Variants in RASAL3 observed in about 807,000 individuals in gnomAD.
RASAL3 encodes RAS protein activator like-3.
Under a neutral mutation model 105.5 loss-of-function variants are expected in RASAL3, and 74 were observed. That is an observed-to-expected ratio of 0.70 (90% CI 0.58 to 0.85). The LOEUF is 0.85. Among genes scored for constraint, RASAL3 ranks in the 40% least tolerant of loss-of-function variants. The pLI is 0.00. For missense variants in RASAL3, 1,352 were observed against 1,392.0 expected (o/e 0.97, Z 0.46); for synonymous variants, 579 against 591.6 (o/e 0.98, Z 0.31).
chr19:15,454,818 C>A lies in RASAL3; in HGVS notation c.1797G>T (p.Leu599=). ...EACKERGSEV[L]GPRLVCASLF... ...GGGAGGCGCACACCAGTCGGGGGCC[C>A]AGCACCTCAGAGCCACGTTCTTTAC... is the stretch of plus-strand genomic sequence containing the variant. The change falls in exon 12 of 18, where the codon CTG becomes CTT. Residue 599 remains leucine (L), a synonymous_variant. Coordinates refer to ENST00000343625, the MANE Select transcript of RASAL3 (RefSeq NM_022904.3). 1 of 1,590,208 alleles carries A rather than the reference C, an allele frequency of 6.3e-7. No homozygotes were observed. The highest frequency in any genetic ancestry group is 1.3e-5 in the African/African-American group (1 of 74,562).
intron 2 of RASAL3, among the ~76,000 whole-genome samples, chr19:15,462,597 T>C (rs897877877): frequency 5.9e-5 from 9 of 152,290 alleles, no homozygotes; most frequent in Middle Eastern, 6.8e-3. Flanking sequence ...GTCTGTTCCC[T>C]TGTTTTTACC....
At position 15,453,497 on chromosome 19, in the gene RASAL3, G is replaced by A; in HGVS notation, c.2280C>T (p.Ser760=). The A allele has an allele frequency of 6.6e-7, 1 of 1,523,222 alleles. No homozygotes were observed. The highest frequency in any genetic ancestry group is 8.7e-7 in the Non-Finnish European group (1 of 1,144,608). 94.4% of individuals were successfully genotyped at this position (1,523,222 alleles called of 1,614,324 possible). ...LPLPPAQVHS[S]LSAGEKPGFL... ...AGCCGGGCTTCTCCCCTGCGGAGAG[G>A]CTAGGGGTGGGATGGAGGATCTTAG... is the stretch of plus-strand genomic sequence containing the variant. Residue 760 remains serine, a splice_region_variant and synonymous_variant, in exon 15 of 18, where the codon AGC becomes AGT. Coordinates refer to ENST00000343625, the MANE Select transcript of RASAL3 (RefSeq NM_022904.3). The surrounding 1 kb of genome is among the most constrained non-coding windows in gnomAD (Gnocchi z 4.2).
rs1970593925 is a variant in RASAL3 at position 15,464,050 on chromosome 19, C to T, written c.309G>A (p.Glu103=). The change falls in exon 2 of 18, where the codon GAG becomes GAA. Residue 103 remains glutamate, a synonymous_variant. Transcript: ENST00000343625. ...HKNPPPEPDP[E]PEQEAPELEP... ...ATGTACCTGGGGCCTCCTGCTCCGG[C>T]TCCGGGTCTGGCTCCGGCGGTGGGT... is the stretch of plus-strand genomic sequence containing the variant. The T allele has an allele frequency of 3.2e-6, 5 of 1,573,238 alleles. No individual in the cohort carries two copies. Among genetic ancestry groups the T allele is most frequent in the Non-Finnish European group, 4.3e-6 (5 of 1,157,274 alleles).
Position 15,461,514 on chromosome 19 carries a change from G to A in RASAL3, c.422C>T (p.Thr141Ile), listed in dbSNP as rs374597735. 1 of 1,544,928 alleles carries A rather than the reference G, an allele frequency of 6.5e-7. No homozygotes were observed. The highest frequency in any genetic ancestry group is 1.4e-5 in the African/African-American group (1 of 72,428). Residue 141 changes from threonine to isoleucine, a missense_variant, in exon 3 of 18, where the codon ACC becomes ATC. Physicochemically the swap from Thr to Ile is moderately conservative, Grantham distance 89. Coordinates refer to ENST00000343625, the MANE Select transcript of RASAL3 (RefSeq NM_022904.3). ...NVPVWDIGGF[T>I]LLDGKLVLLG... is the part of the protein sequence containing the mutation. Reference sequence around the variant, plus strand: ...CAGCACCAGCTTCCCATCAAGCAGGGTGAAGCCCCCAATGTCCCAGACAGG... The same window carrying A: ...CAGCACCAGCTTCCCATCAAGCAGGATGAAGCCCCCAATGTCCCAGACAGG...
In RASAL3 at chr19:15,458,400, G is replaced by A. The variant is rs953731931; in HGVS notation, c.816C>T (p.Cys272=). The change falls in exon 8 of 18, where the codon TGC becomes TGT. Residue 272 remains cysteine, a synonymous_variant. Transcript: ENST00000343625. ...TCTCAGCGGCCGAGCGACAAGAGAA[G>A]CAGCGGCTTCCACCCGTCCAGGTTA... is the stretch of plus-strand genomic sequence containing the variant. ...FQVTWTGGSR[C]FSCRSAAERD... 6.2e-7 allele frequency: 1 copy of A among 1,613,954 alleles called. No individual in the cohort carries two copies. Among genetic ancestry groups the A allele is most frequent in the African/African-American group, 1.3e-5 (1 of 75,064 alleles).
Position 15,456,658 on chromosome 19 carries a change from A to G in RASAL3, c.1432-12T>C. On this transcript the variant is annotated splice_polypyrimidine_tract_variant and intron_variant, in intron 9 of 17. Transcript: ENST00000343625. This position sits in a 1 kb window ranked among gnomAD's most constrained non-coding sequence, Gnocchi z 4.4. Reference sequence around the variant, plus strand: ...TCAGTCACCAGCGCCTAGGAAGGGCAGGAGGTCAGGTTGCACCAGATGCAG... The same window carrying G: ...TCAGTCACCAGCGCCTAGGAAGGGCGGGAGGTCAGGTTGCACCAGATGCAG... The G allele has an allele frequency of 6.2e-7, 1 of 1,609,348 alleles. No individual in the cohort carries two copies.
chr19:15,452,462 G>A (rs1452551131), intron 16 of RASAL3, 196 bp downstream of exon 16: 1 of 609,750 alleles, frequency 1.6e-6, no homozygotes, highest in Non-Finnish European at 2.9e-6. Flanking sequence ...CAGGGTCCTA[G>A]GCCGACCTTC....
At chr19:15,452,147 A>G (rs1471908753) in intron 16 of RASAL3, 39 bp from the exon 17 acceptor site, 2 of 1,607,950 alleles carry the variant, frequency 1.2e-6, no homozygotes, top group Non-Finnish European at 1.7e-6. Context: ...GGCAGAGGCT[A>G]AGGAAGTCCC....
In RASAL3 at chr19:15,453,204, G is replaced by T; in HGVS notation, c.2573C>A (p.Ala858Asp). ...PRARPWTRDS[A>D]SLPRKPSVPW... ...TACCGACGGCTTCCGAGGCAGCGAG[G>T]CGGAGTCCCGGGTCCAAGGCCGGGC... Residue 858 changes from alanine to aspartate, a missense_variant, in exon 15 of 18, where the codon GCC becomes GAC. Coordinates refer to ENST00000343625, the MANE Select transcript of RASAL3 (RefSeq NM_022904.3). This position sits in a 1 kb window ranked among gnomAD's most constrained non-coding sequence, Gnocchi z 4.2. 2 of 1,610,388 alleles carry T rather than the reference G, an allele frequency of 1.2e-6. No homozygotes were observed. The highest frequency in any genetic ancestry group is 1.7e-6 in the Non-Finnish European group (2 of 1,178,680).
At chr19:15,452,580 G>GGGGC in intron 16 of RASAL3, 78 bp downstream of exon 16, 1 of 1,184,312 alleles carries the variant, frequency 8.4e-7, no homozygotes, top group Non-Finnish European at 1.1e-6. Context: ...TGGTTTGGGG[G>GGGGC]GGGGGGGGAG....
Position 15,452,532 on chromosome 19 carries a change from T to C in RASAL3, c.2828+126A>G, listed in dbSNP as rs532087643. ...AGAGGCAGGGCCTGGACAGACTTAT[T>C]GGGGCGGGGCCAGGGTGGGGCTTGG... On this transcript the variant is annotated intron_variant, in intron 16 of 17. Transcript: ENST00000343625. 17 of 734,096 alleles carry C rather than the reference T, an allele frequency of 2.3e-5. No homozygotes were observed. The African/African-American group carries it at 3.6e-4, about 16-fold the overall frequency. The allele number at this position is 734,096 out of a possible 1,614,324, so 45.5% of individuals were successfully genotyped here.
intron 8 of RASAL3, chr19:15,458,049 A>G: frequency 1.6e-6 from 1 of 643,476 alleles, no homozygotes; most frequent in Non-Finnish European, 2.7e-6. Flanking sequence ...TGGGGGCTCC[A>G]GGGCATACAA....
In RASAL3 at chr19:15,461,057, T is replaced by TA. The variant is rs749718211; in HGVS notation, c.606+2dup. ...TACCTCCCACCTTCACTGGCTGCCT[T>TA]ACCCGAACGTTGTGGACCTGGTTGG... On this transcript the variant is annotated splice_region_variant and intron_variant, in intron 5 of 17. Transcript: ENST00000343625. The TA allele has an allele frequency of 2.5e-6, 4 of 1,613,684 alleles. No individual in the cohort carries two copies. In the South Asian group the frequency reaches 4.4e-5, roughly 18 times the overall value.
chr19:15,457,906 G>A lies in RASAL3; in HGVS notation c.889-72C>T. The A allele has an allele frequency of 6.6e-7, 1 of 1,505,460 alleles. No homozygotes were observed. Among genetic ancestry groups the A allele is most frequent in the Middle Eastern group, 2.4e-4 (1 of 4,240 alleles). 93.3% of individuals were successfully genotyped at this position (1,505,460 alleles called of 1,614,324 possible). On this transcript the variant is annotated intron_variant, in intron 8 of 17. Coordinates refer to ENST00000343625, the MANE Select transcript of RASAL3 (RefSeq NM_022904.3). This position sits in a 1 kb window ranked among gnomAD's most constrained non-coding sequence, Gnocchi z 8.6. The stretch of plus-strand genomic sequence containing the variant: ...CCCCAAAGAAGGCACCGCAAGTGAA[G>A]CGTGGAGCCTCAAACCTGTTGCGTC...
intron 2 of RASAL3, 127 bp downstream of exon 2, chr19:15,463,904 C>T: frequency 7.0e-6 from 6 of 855,928 alleles, no homozygotes; most frequent in Non-Finnish European, 1.0e-5. Flanking sequence ...GCCCCAGCGG[C>T]TTCCTGCTGG....
intron 11 of RASAL3, among the ~76,000 whole-genome samples, chr19:15,455,762 C>T (rs1359012115): frequency 3.9e-5 from 6 of 152,198 alleles, no homozygotes; most frequent in East Asian, 1.9e-4. Context: ...TGCGCTCAAG[C>T]GATCCTCCAG....
Position 15,457,486 on chromosome 19 carries a change from C to A in RASAL3, c.1237G>T (p.Ala413Ser). ...WFPLLGAPAG[A>S]ALRARIRARR... Reference sequence around the variant, plus strand: ...GCCCGAATCCGCGCCCGCAGCGCTGCGCCCGCCGGCGCCCCGAGCAGCGGG... The same window carrying A: ...GCCCGAATCCGCGCCCGCAGCGCTGAGCCCGCCGGCGCCCCGAGCAGCGGG... The change falls in exon 9 of 18, where the codon GCA becomes TCA. Residue 413 changes from alanine to serine, a missense_variant. Physicochemically the swap from Ala to Ser is moderately conservative, Grantham distance 99. This residue lies in a region of RASAL3 where 920 missense variants were observed against 919.6 expected (regional missense o/e 1.00). Coordinates refer to ENST00000343625, the MANE Select transcript of RASAL3 (RefSeq NM_022904.3). This position sits in a 1 kb window ranked among gnomAD's most constrained non-coding sequence, Gnocchi z 8.6. The A allele has an allele frequency of 8.3e-7, 1 of 1,207,206 alleles. No individual in the cohort carries two copies. The allele number at this position is 1,207,206 out of a possible 1,614,324, so 74.8% of individuals were successfully genotyped here.
chr19:15,459,235 A>G (rs1196627363), intron 6 of RASAL3, among the ~76,000 whole-genome samples: 1 of 56,016 alleles, frequency 1.8e-5, no homozygotes, highest in Admixed American at 1.5e-4. Flanking sequence ...CACCGTGCCC[A>G]GCCCTATTTA....
chr19:15,457,166 C>T lies in RASAL3; in HGVS notation c.1431+126G>A, dbSNP rs1237608331. On this transcript the variant is annotated intron_variant, in intron 9 of 17. Coordinates refer to ENST00000343625, the MANE Select transcript of RASAL3 (RefSeq NM_022904.3). The surrounding 1 kb of genome is among the most constrained non-coding windows in gnomAD (Gnocchi z 8.6). ...TACAGGTGACACTTGGACCACGCCC[C>T]TCACACCCCTTCAAGGTGTCTCCCC... The T allele has an allele frequency of 1.2e-6, 1 of 853,478 alleles. No individual in the cohort carries two copies. Among genetic ancestry groups the T allele is most frequent in the Non-Finnish European group, 1.6e-6 (1 of 637,970 alleles). 52.9% of individuals were successfully genotyped at this position (853,478 alleles called of 1,614,324 possible).
Sources: gnomAD v4.1 joint callset for allele counts (sites outside exome capture counted in the v4.1 genomes callset) on GRCh38, gnomAD v4.1.1 for gene constraint, gnomAD v4.1.1 regional missense constraint, Gnocchi (gnomAD v3.1) non-coding constraint, MANE v1.5 for transcripts, NCBI Gene and HGNC (gene_info 2026-07-23, HGNC 2026-07-21) for gene names.